Variants in SUPT20H observed in about 807,000 individuals in gnomAD.
SUPT20H encodes the protein transcription factor SPT20 homolog.
Under a neutral mutation model 122.8 loss-of-function variants are expected in SUPT20H, and 82 were observed. That is an observed-to-expected ratio of 0.67 (90% CI 0.56 to 0.80). The LOEUF is 0.80. Ranked by LOEUF, SUPT20H falls within the 30% of genes least tolerant of loss-of-function variation. The pLI is 0.00. For synonymous variants in SUPT20H, 291 were observed against 313.0 expected (o/e 0.93, Z 0.74); for missense variants, 831 against 921.6 (o/e 0.90, Z 1.27).
chr13:37,020,609 ACTTATG>A (rs1053378862), intron 21 of SUPT20H, among the ~76,000 whole-genome samples: 7 of 152,186 alleles, frequency 4.6e-5, no homozygotes, highest in African/African-American at 1.7e-4. Flanking sequence ...ACTAAGGCAC[ACTTATG>A]CTTATTAAAA....
In SUPT20H at chr13:37,041,313, C is replaced by T. The variant is rs533877000; in HGVS notation, c.397-621G>A. On this transcript the variant is annotated intron_variant, in intron 7 of 25. Coordinates refer to ENST00000350612, the MANE Select transcript of SUPT20H (RefSeq NM_001014286.3). ...CGGGTGGATCACAAGGTCAGGAGAT[C>T]GAGACCATCCTGGCTAACATGGTGA... 1.1e-3 allele frequency among the ~76,000 whole-genome samples: 170 copies of T among 152,086 alleles called. 1 individual carries two copies. Among genetic ancestry groups the T allele is most frequent in the African/African-American group, 3.8e-3 (159 of 41,500 alleles).
intron 15 of SUPT20H, 35 bp from the exon 16 acceptor site, chr13:37,026,271 T>C (rs932152736): frequency 2.1e-6 from 3 of 1,435,238 alleles, no homozygotes; most frequent in Non-Finnish European, 2.8e-6. Context: ...GAGAGAAAAG[T>C]ATTAGGTAAG....
chr13:37,010,499 T>C (rs2138928763), intron 25 of SUPT20H, 53 bp downstream of exon 25: 1 of 1,499,170 alleles, frequency 6.7e-7, no homozygotes, highest in African/African-American at 1.4e-5. Context: ...TTTGAGGTAC[T>C]TTTGGAGCTG....
intron 1 of SUPT20H, among the ~76,000 whole-genome samples, chr13:37,056,059 A>T (rs141439974): frequency 0.023 from 3,497 of 152,304 alleles, 137 homozygotes; most frequent in African/African-American, 0.08. Context: ...TCAAAACCAC[A>T]ATGAGATACC....
chr13:37,040,795 T>C (rs2065326310), intron 7 of SUPT20H, 103 bp from the exon 8 acceptor site: 1 of 833,570 alleles, frequency 1.2e-6, no homozygotes, highest in South Asian at 1.5e-5. Flanking sequence ...GCAACATTTC[T>C]GGCCACTCAT....
intron 22 of SUPT20H, among the ~76,000 whole-genome samples, chr13:37,018,355 C>T (rs1177258388): frequency 6.6e-6 from 1 of 152,174 alleles, no homozygotes; most frequent in Admixed American, 6.5e-5. Context: ...TAAACAAATG[C>T]AATTTGTGGG....
intron 20 of SUPT20H, among the ~76,000 whole-genome samples, 166 bp from the exon 21 acceptor site, chr13:37,021,768 T>C (rs2061486157): frequency 6.6e-6 from 1 of 152,154 alleles, no homozygotes; most frequent in African/African-American, 2.4e-5. Flanking sequence ...AATTCTAAGC[T>C]GCTGTCAAGA....
At chr13:37,029,730 A>G (rs1029358242) in intron 13 of SUPT20H, 35 bp downstream of exon 13, 3 of 1,570,984 alleles carry the variant, frequency 1.9e-6, no homozygotes, top group African/African-American at 2.7e-5. Flanking sequence ...TAGAAATGGC[A>G]TAATTAGAAA....
rs866970649 is a variant in SUPT20H, at chr13:37,028,430, G to A, written c.994-125C>T. 505 of 872,812 alleles carry A rather than the reference G, an allele frequency of 5.8e-4. 1 individual carries two copies. Among genetic ancestry groups the A allele is most frequent in the Non-Finnish European group, 7.4e-4 (436 of 588,284 alleles). 54.1% of individuals were successfully genotyped at this position (872,812 alleles called of 1,614,324 possible). A position where few individuals can be genotyped will look rare whatever the true frequency, so the allele number is the denominator to read the frequency against. On this transcript the variant is annotated intron_variant, in intron 13 of 25. Coordinates refer to ENST00000350612, the MANE Select transcript of SUPT20H (RefSeq NM_001014286.3). The stretch of plus-strand genomic sequence containing the variant: ...ACGATAGGAAGACACACAGCACTTA[G>A]GCTACAAAGATATTTAAGTCTGCCT...
chr13:37,048,550 T>TA lies in SUPT20H; in HGVS notation c.39+13dup. ...GACAACACTATTTCAATATGTAACT[T>TA]AGTCACACCTCACCTCTGCACGATC... On this transcript the variant is annotated intron_variant, in intron 3 of 25. Coordinates refer to ENST00000350612, the MANE Select transcript of SUPT20H (RefSeq NM_001014286.3). 1 of 1,578,888 alleles carries TA rather than the reference T, an allele frequency of 6.3e-7. No individual in the cohort carries two copies. Among genetic ancestry groups the TA allele is most frequent in the Non-Finnish European group, 8.6e-7 (1 of 1,165,570 alleles).
chr13:37,043,766 G>A (rs1385345289), intron 7 of SUPT20H, among the ~76,000 whole-genome samples: 3 of 150,990 alleles, frequency 2.0e-5, no homozygotes, highest in African/African-American at 4.9e-5. Context: ...CTCTAATCCT[G>A]CAGTGGTACA....
chr13:37,027,395 A>T (rs1474859329), intron 14 of SUPT20H, among the ~76,000 whole-genome samples: 1 of 152,072 alleles, frequency 6.6e-6, no homozygotes, highest in Non-Finnish European at 1.5e-5. Context: ...ATGTGAAAAA[A>T]CAAGCTGAGG....
chr13:37,047,469 G>A, intron 5 of SUPT20H, 66 bp downstream of exon 5: 6 of 1,362,162 alleles, frequency 4.4e-6, no homozygotes, highest in Non-Finnish European at 3.8e-6. Flanking sequence ...TACTCCAAAT[G>A]TAACTCCTCC....
In SUPT20H at chr13:37,047,552, T is replaced by C. The variant is rs1314363606; in HGVS notation, c.148A>G (p.Lys50Glu). 1.4e-6 allele frequency: 2 copies of C among 1,444,130 alleles called. No individual in the cohort carries two copies. The highest frequency in any genetic ancestry group is 9.2e-7 in the Non-Finnish European group (1 of 1,082,714). 89.5% of individuals were successfully genotyped at this position (1,444,130 alleles called of 1,614,324 possible). ...LYDLYIEECE[K>E]EPEVKKLRRN... Reference sequence around the variant, plus strand: ...ATACTTACCTTAACTTCAGGTTCTTTTTCACATTCTTCAATATACAAGTCA... The same window carrying C: ...ATACTTACCTTAACTTCAGGTTCTTCTTCACATTCTTCAATATACAAGTCA... Residue 50 changes from lysine (K) to glutamate (E), a missense_variant, in exon 5 of 26, where the codon AAA becomes GAA. Coordinates refer to ENST00000350612, the MANE Select transcript of SUPT20H (RefSeq NM_001014286.3).
chr13:37,044,647 C>A (rs141300144), intron 6 of SUPT20H, among the ~76,000 whole-genome samples: 3,014 of 152,230 alleles, frequency 0.02, 56 homozygotes, highest in African/African-American at 0.057. Flanking sequence ...GTAGAATTCA[C>A]ATTATCATCA....
Position 37,024,102 on chromosome 13 carries a change from T to C in SUPT20H, c.1524A>G (p.Ser508=), listed in dbSNP as rs199987409. 113 of 1,613,722 alleles carry C rather than the reference T, an allele frequency of 7.0e-5. No homozygotes were observed. The change falls in exon 19 of 26, where the codon TCA becomes TCG. Residue 508 remains serine, a synonymous_variant. Transcript: ENST00000350612. The part of the protein sequence containing the change: ...SSKPSSIPRK[S]SVDLNQVSML... The stretch of plus-strand genomic sequence containing the variant: ...TGCTAACTTGATTGAGATCCACAGA[T>C]GATTTCCGAGGAATACTTGATGGCT...
At chr13:37,051,714 T>C (rs187417648) in intron 1 of SUPT20H, 131 bp from the exon 2 acceptor site, 54 of 422,056 alleles carry the variant, frequency 1.3e-4, no homozygotes, top group Non-Finnish European at 5.5e-5. Flanking sequence ...TTTAAGACAC[T>C]TTTTAATAAT....
intron 24 of SUPT20H, 128 bp from the exon 25 acceptor site, chr13:37,010,783 A>G (rs1566091715): frequency 1.6e-6 from 1 of 634,070 alleles, no homozygotes; most frequent in Non-Finnish European, 2.7e-6. Context: ...GTATCAAATC[A>G]TAGACATTTC....
intron 23 of SUPT20H, 89 bp downstream of exon 23, chr13:37,017,156 C>T (rs1403771168): frequency 1.9e-6 from 3 of 1,568,802 alleles, no homozygotes; most frequent in East Asian, 2.3e-5. Context: ...AATGTTTACA[C>T]TAACAAAGCA....
Sources: allele counts gnomAD v4.1 joint callset (sites outside exome capture counted in the v4.1 genomes callset), GRCh38; gene constraint gnomAD v4.1.1; transcripts MANE v1.5; gene names NCBI Gene and HGNC (gene_info 2026-07-23, HGNC 2026-07-21).